WDR93: variants seen among roughly 807,000 people sequenced by gnomAD.
WDR93 encodes WD repeat domain 93.
A neutral mutation model predicts 82.9 loss-of-function variants in WDR93; 73 were observed. That is an observed-to-expected ratio of 0.88 (90% CI 0.73 to 1.07). The LOEUF is 1.07. WDR93 is among the 50% of genes least tolerant of loss of function. The pLI is 0.00. For missense variants in WDR93, 738 were observed against 826.0 expected, an observed-to-expected ratio of 0.89 and a Z score of 1.31; for synonymous variants, 283 against 300.1, an observed-to-expected ratio of 0.94 and a Z score of 0.59.
rs781377570 is a variant in WDR93, at chr15:89,729,037, A to G, written c.1067A>G (p.Tyr356Cys). ...TTCTTTCCCAGTACGGCCACCTTCT[A>G]TTTCCTTCTTCCTAGCTGCCTATTT... ...EEEPLSTATF[Y>C]FLLPSCLFAM... The change falls in exon 10 of 17, where the codon TAT (tyrosine) becomes TGT (cysteine). Residue 356 changes from tyrosine to cysteine, a missense_variant. Tyr to Cys is a radical substitution (Grantham distance 194, BLOSUM62 -2). Transcript: ENST00000268130. The G allele has an allele frequency of 6.2e-7, 1 of 1,613,990 alleles. No homozygotes were observed. Among genetic ancestry groups the G allele is most frequent in the Non-Finnish European group, 8.5e-7 (1 of 1,179,996 alleles).
At chr15:89,739,602 C>T (rs894473982) in intron 16 of WDR93, among the ~76,000 whole-genome samples, 1 of 152,124 alleles carries the variant, frequency 6.6e-6, no homozygotes, top group South Asian at 2.1e-4. Flanking sequence ...TTTGCAAATC[C>T]TTGTTGATGA....
chr15:89,690,858 G>C lies in WDR93; in HGVS notation c.-41+1G>C. 1 of 545,138 alleles carries C rather than the reference G, an allele frequency of 1.8e-6. No individual in the cohort carries two copies. Among genetic ancestry groups the C allele is most frequent in the South Asian group, 2.1e-5 (1 of 46,548 alleles). 33.8% of individuals were successfully genotyped at this position (545,138 alleles called of 1,614,324 possible). A position where few individuals can be genotyped will look rare whatever the true frequency, so the allele number is the denominator to read the frequency against. ...AGGCGACGCAACGCCGCCCGGCCAG[G>C]TGAGCAAAACTGATCTTACCTTTGG... is the stretch of plus-strand genomic sequence containing the variant. On this transcript the variant is annotated splice_donor_variant, in intron 1 of 16. Transcript: ENST00000268130. LOFTEE classifies it low-confidence loss of function (5UTR_SPLICE).
rs760390410 is a variant in WDR93, at chr15:89,737,658, C to G, written c.1694C>G (p.Ala565Gly). Reference protein sequence around the residue: ...EIICAFAPPGAFPLEVPWKPV... With the variant: ...EIICAFAPPGGFPLEVPWKPV... ...ATCTGTGCCTTTGCCCCTCCGGGAG[C>G]CTTTCCTCTGGAGGTCCCCTGGAAG... Residue 565 changes from alanine to glycine, a missense_variant, in exon 15 of 17, where the codon GCC becomes GGC. Physicochemically the swap from Ala to Gly is moderately conservative, Grantham distance 60 (BLOSUM62 0). Coordinates refer to ENST00000268130, the MANE Select transcript of WDR93 (RefSeq NM_020212.2). 7 of 1,614,076 alleles carry G rather than the reference C, an allele frequency of 4.3e-6. No homozygotes were observed. Among genetic ancestry groups the G allele is most frequent in the African/African-American group, 1.3e-5 (1 of 74,918 alleles).
chr15:89,701,961 G>T lies in WDR93; in HGVS notation c.215G>T (p.Trp72Leu), dbSNP rs200074926. ...GTGAACCTTCTGTTTGACCAGTCTT[G>T]GGAAATTATTGAAGAGAGAAACGCA... The part of the protein sequence containing the change: ...KLVNLLFDQS[W>L]EIIEERNALR... Residue 72 changes from tryptophan (W) to leucine (L), a missense_variant, in exon 2 of 17, where the codon TGG (tryptophan) becomes TTG (leucine). Transcript: ENST00000268130. The T allele has an allele frequency of 1.9e-6, 3 of 1,613,988 alleles. No homozygotes were observed. Among genetic ancestry groups the T allele is most frequent in the Admixed American group, 3.3e-5 (2 of 60,022 alleles).
chr15:89,705,780 A>G (rs898887205), intron 4 of WDR93, among the ~76,000 whole-genome samples, 162 bp downstream of exon 4: 1 of 152,212 alleles, frequency 6.6e-6, no homozygotes, highest in African/African-American at 2.4e-5. Flanking sequence ...ATCCGCGACC[A>G]TCAAAGGGTA....
rs1965545558 is a variant in WDR93 at position 89,703,003 on chromosome 15, A to G, written c.357A>G (p.Gly119=). 3 of 1,614,190 alleles carry G rather than the reference A, an allele frequency of 1.9e-6. No homozygotes were observed. The East Asian group carries it at 6.7e-5, about 36-fold the overall frequency. Residue 119 remains glycine, a synonymous_variant, in exon 3 of 17, where the codon GGA becomes GGG. Transcript: ENST00000268130. ...TTTCCCAAGACTATGTGTTTATTGG[A>G]GGAGCCAAAGGATTCTCAATTTATA... ...MAVSQDYVFI[G]GAKGFSIYNL...
chr15:89,739,467 C>G (rs1967483477), intron 16 of WDR93, among the ~76,000 whole-genome samples: 1 of 152,192 alleles, frequency 6.6e-6, no homozygotes, highest in Non-Finnish European at 1.5e-5. Context: ...TTTCCACTCT[C>G]CCTAATCCTG....
chr15:89,709,023 T>A (rs1965845903), intron 4 of WDR93, among the ~76,000 whole-genome samples: 1 of 152,238 alleles, frequency 6.6e-6, no homozygotes, highest in Non-Finnish European at 1.5e-5. Flanking sequence ...CCCACACTAT[T>A]GCAGCCGTCC....
chr15:89,716,038 T>C (rs1966236580), intron 6 of WDR93, among the ~76,000 whole-genome samples: 1 of 152,244 alleles, frequency 6.6e-6, no homozygotes, highest in Admixed American at 6.5e-5. Context: ...TATTAGGTGC[T>C]AAATAAATTA....
At chr15:89,697,449 G>A (rs532636036) in intron 1 of WDR93, among the ~76,000 whole-genome samples, 6 of 152,136 alleles carry the variant, frequency 3.9e-5, no homozygotes, top group South Asian at 2.1e-4. Context: ...TTGAACCATC[G>A]AAATTTCTGT....
rs774483287 is a variant in WDR93, at chr15:89,737,645, G to T, written c.1681G>T (p.Ala561Ser). ...VAKREIICAF[A>S]PPGAFPLEVP... ...CAAGCGTGAAATCATCTGTGCCTTT[G>T]CCCCTCCGGGAGCCTTTCCTCTGGA... Residue 561 changes from alanine to serine, a missense_variant, in exon 15 of 17, where the codon GCC becomes TCC. By Grantham distance (99) the Ala-to-Ser change is moderately conservative. Transcript: ENST00000268130. 1.5e-5 allele frequency: 25 copies of T among 1,614,056 alleles called. No homozygotes were observed. Among genetic ancestry groups the T allele is most frequent in the Non-Finnish European group, 1.9e-5 (23 of 1,180,044 alleles).
At chr15:89,717,008 T>TA in intron 7 of WDR93, 59 bp downstream of exon 7, 1 of 1,018,606 alleles carries the variant, frequency 9.8e-7, no homozygotes. Context: ...AGAGATTTTT[T>TA]AAAAATTATT....
chr15:89,736,861 G>C (rs1191480200), intron 14 of WDR93, among the ~76,000 whole-genome samples: 2 of 148,636 alleles, frequency 1.3e-5, no homozygotes, highest in Admixed American at 1.4e-4. Context: ...GTGCAATCTT[G>C]GCTCACTGCA....
chr15:89,727,753 T>A (rs986022727), intron 9 of WDR93, among the ~76,000 whole-genome samples: 1 of 151,874 alleles, frequency 6.6e-6, no homozygotes, highest in African/African-American at 2.4e-5. Flanking sequence ...GCTCTAAAAA[T>A]TTTTTTTTCT....
At chr15:89,707,238 G>A (rs552841932) in intron 4 of WDR93, among the ~76,000 whole-genome samples, 1 of 152,236 alleles carries the variant, frequency 6.6e-6, no homozygotes, top group East Asian at 1.9e-4. Context: ...ACATGTATTA[G>A]AATCCTCAAA....
chr15:89,696,407 T>G (rs531981916), intron 1 of WDR93, among the ~76,000 whole-genome samples: 1 of 152,234 alleles, frequency 6.6e-6, no homozygotes, highest in African/African-American at 2.4e-5. Context: ...TTGGATTGTT[T>G]CCCATTTTTG....
chr15:89,707,109 T>C (rs1360895561), intron 4 of WDR93, among the ~76,000 whole-genome samples: 1 of 152,082 alleles, frequency 6.6e-6, no homozygotes, highest in African/African-American at 2.4e-5. Flanking sequence ...TTTTTTTTAA[T>C]GGGCAAAGGA....
intron 13 of WDR93, among the ~76,000 whole-genome samples, chr15:89,733,853 A>G (rs1966942664): frequency 6.6e-6 from 1 of 152,212 alleles, no homozygotes; most frequent in African/African-American, 2.4e-5. Flanking sequence ...CAGAAAATGG[A>G]TTAAGACAAC....
At chr15:89,731,304 T>G (rs1056707238) in intron 11 of WDR93, 139 bp from the exon 12 acceptor site, 25 of 1,220,192 alleles carry the variant, frequency 2.0e-5, no homozygotes, top group Non-Finnish European at 2.9e-5. Flanking sequence ...AAGAGAAGGA[T>G]GATGGTGAGT....
Sources: allele counts gnomAD v4.1 joint callset (sites outside exome capture counted in the v4.1 genomes callset), GRCh38; gene constraint gnomAD v4.1.1; transcripts MANE v1.5; gene names NCBI Gene and HGNC (gene_info 2026-07-23, HGNC 2026-07-21).